The following ST6GALNAC3 variants were observed in gnomAD, a reference collection of about 807,000 sequenced individuals.
ST6GALNAC3 encodes the protein alpha-N-acetylgalactosaminide alpha-2,6-sialyltransferase 3.
In ST6GALNAC3, 25 loss-of-function variants were observed where a neutral mutation model predicts 32.7. That is an observed-to-expected ratio of 0.76 (90% CI 0.56 to 1.07). ST6GALNAC3 has a LOEUF of 1.07. Among genes scored for constraint, ST6GALNAC3 ranks in the 50% least tolerant of loss-of-function variants. ST6GALNAC3 has a pLI of 0.00. For synonymous variants in ST6GALNAC3, 129 were observed against 133.1 expected (o/e 0.97, Z 0.21); for missense variants, 355 against 382.4 (o/e 0.93, Z 0.60).
At chr1:76,080,086 A>G (rs999107481) in intron 1 of ST6GALNAC3, among the ~76,000 whole-genome samples, 10 of 152,242 alleles carry the variant, frequency 6.6e-5, no homozygotes, top group Non-Finnish European at 1.5e-4. Flanking sequence ...TGAGAAGGCA[A>G]ATAATTAAAC....
At chr1:76,512,432 A>G (rs951003546) in intron 3 of ST6GALNAC3, among the ~76,000 whole-genome samples, 3 of 152,278 alleles carry the variant, frequency 2.0e-5, no homozygotes, top group South Asian at 4.1e-4. Flanking sequence ...TTTTTTTAAG[A>G]TGATACTTCT....
intron 2 of ST6GALNAC3, among the ~76,000 whole-genome samples, chr1:76,352,497 C>CTTTTTTTTTTTT (rs397706056): frequency 8.6e-6 from 1 of 116,230 alleles, no homozygotes; most frequent in Admixed American, 9.3e-5. Context: ...TTTTGGTTTC[C>CTTTTTTTTTTTT]TTTTTTTTTT....
At chr1:76,497,972 G>T (rs1201848579) in intron 3 of ST6GALNAC3, among the ~76,000 whole-genome samples, 1 of 152,182 alleles carries the variant, frequency 6.6e-6, no homozygotes, top group Non-Finnish European at 1.5e-5. Context: ...CCCTTTGACT[G>T]CATTGATCAG....
At chr1:76,575,086 A>C (rs1646779170) in intron 3 of ST6GALNAC3, among the ~76,000 whole-genome samples, 1 of 152,170 alleles carries the variant, frequency 6.6e-6, no homozygotes, top group Non-Finnish European at 1.5e-5. Flanking sequence ...TCTAACATGC[A>C]GAACATGTTG....
At chr1:76,349,334 G>T (rs954660977) in intron 2 of ST6GALNAC3, among the ~76,000 whole-genome samples, 4 of 152,150 alleles carry the variant, frequency 2.6e-5, no homozygotes, top group African/African-American at 9.7e-5. Context: ...GACCACTCTG[G>T]AGGACAGCTC....
intron 3 of ST6GALNAC3, among the ~76,000 whole-genome samples, chr1:76,477,351 G>T (rs1251245573): frequency 6.6e-6 from 1 of 152,116 alleles, no homozygotes; most frequent in African/African-American, 2.4e-5. Context: ...ACAAGGTCAG[G>T]CAAAGGAGCC....
At chr1:76,148,041 G>A (rs774939285) in intron 1 of ST6GALNAC3, among the ~76,000 whole-genome samples, 2 of 152,188 alleles carry the variant, frequency 1.3e-5, no homozygotes, top group South Asian at 2.1e-4. Context: ...GGATAATGGG[G>A]TATTCATGTT....
chr1:76,119,132 T>G (rs1327796380), intron 1 of ST6GALNAC3, among the ~76,000 whole-genome samples: 2 of 152,164 alleles, frequency 1.3e-5, no homozygotes, highest in Non-Finnish European at 2.9e-5. Context: ...ATGGCAAGTT[T>G]TTACAAGGAA....
chr1:76,125,361 G>T (rs1649173210), intron 1 of ST6GALNAC3, among the ~76,000 whole-genome samples: 1 of 152,172 alleles, frequency 6.6e-6, no homozygotes, highest in East Asian at 1.9e-4. Context: ...GTGGCTGCTG[G>T]TTGGCTCTTT....
intron 3 of ST6GALNAC3, among the ~76,000 whole-genome samples, chr1:76,418,089 A>T (rs755160584): frequency 6.6e-6 from 1 of 152,134 alleles, no homozygotes; most frequent in Non-Finnish European, 1.5e-5. Flanking sequence ...GAAATCAGCG[A>T]TGTGTCATTC....
intron 1 of ST6GALNAC3, among the ~76,000 whole-genome samples, chr1:76,080,595 T>A (rs1234670730): frequency 6.7e-6 from 1 of 149,280 alleles, no homozygotes; most frequent in Non-Finnish European, 1.5e-5. Context: ...TTTGTCATGA[T>A]CATTTTGGTT....
intron 1 of ST6GALNAC3, among the ~76,000 whole-genome samples, chr1:76,188,146 G>A (rs1165175523): frequency 3.3e-5 from 5 of 152,104 alleles, no homozygotes; most frequent in Non-Finnish European, 7.4e-5. Flanking sequence ...GGTGGATCAC[G>A]AGGTCAGGAG....
At chr1:76,606,197 C>A (rs1196313158) in intron 3 of ST6GALNAC3, among the ~76,000 whole-genome samples, 1 of 152,002 alleles carries the variant, frequency 6.6e-6, no homozygotes, top group Non-Finnish European at 1.5e-5. Flanking sequence ...GCCATTTGAC[C>A]CAGCAATCCC....
chr1:76,288,737 C>T (rs1174196827), intron 1 of ST6GALNAC3, among the ~76,000 whole-genome samples: 4 of 152,124 alleles, frequency 2.6e-5, no homozygotes, highest in African/African-American at 7.2e-5. Context: ...GAGAGAAGAA[C>T]ATGCCATGTG....
At chr1:76,500,932 C>T (rs1661141095) in intron 3 of ST6GALNAC3, among the ~76,000 whole-genome samples, 1 of 152,138 alleles carries the variant, frequency 6.6e-6, no homozygotes, top group African/African-American at 2.4e-5. Flanking sequence ...AAAAAGGCTA[C>T]ACCAGTAAAT....
chr1:76,395,308 G>T (rs1366257948), intron 2 of ST6GALNAC3, among the ~76,000 whole-genome samples: 1 of 152,108 alleles, frequency 6.6e-6, no homozygotes, highest in Non-Finnish European at 1.5e-5. Flanking sequence ...ATCCAAAGGT[G>T]CCCTGTCAAC....
At chr1:76,195,903 C>T (rs1654177859) in intron 1 of ST6GALNAC3, among the ~76,000 whole-genome samples, 1 of 152,022 alleles carries the variant, frequency 6.6e-6, no homozygotes, top group African/African-American at 2.4e-5. Context: ...AATAGGGAAG[C>T]CATTAACTGA....
At chr1:76,504,703 T>C (rs375698810) in intron 3 of ST6GALNAC3, among the ~76,000 whole-genome samples, 51 of 152,220 alleles carry the variant, frequency 3.4e-4, no homozygotes, top group African/African-American at 1.2e-3. Context: ...TAATGTGTTC[T>C]TTGGCCCTGG....
intron 3 of ST6GALNAC3, among the ~76,000 whole-genome samples, chr1:76,615,447 C>T (rs1273025250): frequency 6.6e-6 from 1 of 152,102 alleles, no homozygotes; most frequent in Non-Finnish European, 1.5e-5. Context: ...TTTCAGAGTT[C>T]AGCTCTTACT....
Sources: allele counts gnomAD v4.1 joint callset (sites outside exome capture counted in the v4.1 genomes callset), GRCh38; gene constraint gnomAD v4.1.1; transcripts MANE v1.5; gene names NCBI Gene and HGNC (gene_info 2026-07-23, HGNC 2026-07-21).